The following HSPA12B variants were observed in gnomAD, a reference collection of about 807,000 sequenced individuals.
The protein encoded by HSPA12B is heat shock protein family A (Hsp70) member 12B.
Under a neutral mutation model 69.3 loss-of-function variants are expected in HSPA12B, and 54 were observed. That is an observed-to-expected ratio of 0.78 (90% CI 0.63 to 0.98). The LOEUF (loss-of-function observed/expected upper bound fraction) is 0.98, where lower values mean the gene tolerates loss of function less well. Ranked by LOEUF, HSPA12B falls within the 50% of genes least tolerant of loss-of-function variation. HSPA12B has a pLI of 0.00. For synonymous variants in HSPA12B, 441 were observed against 436.5 expected, an observed-to-expected ratio of 1.01 and a Z score of -0.13; for missense variants, 929 against 999.8, an observed-to-expected ratio of 0.93 and a Z score of 0.96.
Position 3,748,233 on chromosome 20 carries a change from G to C in HSPA12B, c.692G>C (p.Arg231Pro). ...CATCCCCAGGCTGGACTAGTGTCCC[G>C]AGAGAATGCAGAGCAGCTACTCATC... Reference protein sequence around the residue: ...EAAYLAGLVSRENAEQLLIAL... With the variant: ...EAAYLAGLVSPENAEQLLIAL... Residue 231 changes from arginine to proline, a missense_variant, in exon 8 of 13, where the codon CGA (arginine) becomes CCA (proline). Transcript: ENST00000254963. The C allele has an allele frequency of 6.3e-7, 1 of 1,580,910 alleles. No individual in the cohort carries two copies. The highest frequency in any genetic ancestry group is 8.6e-7 in the Non-Finnish European group (1 of 1,161,204).
rs1568471143 is a variant in HSPA12B at position 3,737,333 on chromosome 20, C to T, written c.-17-1325C>T. Among the ~76,000 whole-genome samples, 1 of 152,208 alleles carries T rather than the reference C, an allele frequency of 6.6e-6. No homozygotes were observed. Among genetic ancestry groups the T allele is most frequent in the Non-Finnish European group, 1.5e-5 (1 of 68,048 alleles). ...AATATTCTTCCTCACCTCCCTTCAG[C>T]TTTAGCGCCCTCCAACTACTGCCCT... On this transcript the variant is annotated intron_variant, in intron 1 of 12. Transcript: ENST00000254963. This position sits in a 1 kb window ranked among gnomAD's most constrained non-coding sequence, Gnocchi z 4.1.
intron 8 of HSPA12B, among the ~76,000 whole-genome samples, chr20:3,748,826 CCTG>C (rs201677526): frequency 0.013 from 2,027 of 152,222 alleles, 43 homozygotes; most frequent in African/African-American, 0.047. Context: ...GCCCCAAGCT[CCTG>C]CTGCCAGGAC....
rs546002408 is a variant in HSPA12B at position 3,751,779 on chromosome 20, C to T, written c.1674C>T (p.Pro558=). ...GCTTTGTGCCTGGGCGCCACCCGCCCGAAAAGCTGCTGGTTCGCGACGGCC... is the reference window on the plus strand; with the variant it reads ...GCTTTGTGCCTGGGCGCCACCCGCCTGAAAAGCTGCTGGTTCGCGACGGCC... ...LNRFVPGRHP[P]EKLLVRDGRR... The change falls in exon 13 of 13, where the codon CCC becomes CCT. Residue 558 remains proline, a synonymous_variant. Coordinates refer to ENST00000254963, the MANE Select transcript of HSPA12B (RefSeq NM_052970.5). The T allele has an allele frequency of 3.5e-5, 53 of 1,526,990 alleles. No homozygotes were observed. In the South Asian group the frequency reaches 3.5e-4, roughly 10 times the overall value. 94.6% of individuals were successfully genotyped at this position (1,526,990 alleles called of 1,614,324 possible).
At chr20:3,748,125 A>G in intron 7 of HSPA12B, 92 bp from the exon 8 acceptor site, 1 of 1,134,146 alleles carries the variant, frequency 8.8e-7, no homozygotes, top group Non-Finnish European at 1.2e-6. Flanking sequence ...AGGAGGTGGG[A>G]GCCCCACAGG....
chr20:3,732,754 C>G lies in HSPA12B; in HGVS notation c.-58C>G, dbSNP rs1239232969. On this transcript the variant is annotated 5_prime_UTR_variant, in exon 1 of 13. The change creates a new upstream start codon in the 5' untranslated region. Coordinates refer to ENST00000254963, the MANE Select transcript of HSPA12B (RefSeq NM_052970.5). Reference sequence around the variant, plus strand: ...GGCCAACGAGCTGCGGGCCCGGGATCGCGGCGGCTGGACGGGGCTGGAGCT... The same window carrying G: ...GGCCAACGAGCTGCGGGCCCGGGATGGCGGCGGCTGGACGGGGCTGGAGCT... 6.6e-6 allele frequency: 1 copy of G among 151,810 alleles called. No homozygotes were observed. Among genetic ancestry groups the G allele is most frequent in the South Asian group, 2.0e-4 (1 of 4,996 alleles). 9.4% of individuals were successfully genotyped at this position (151,810 alleles called of 1,614,324 possible). A position where few individuals can be genotyped will look rare whatever the true frequency, so the allele number is the denominator to read the frequency against.
Position 3,749,297 on chromosome 20 carries a change from C to G in HSPA12B, c.916C>G (p.Leu306Val), listed in dbSNP as rs1289968188. Reference protein sequence around the residue: ...TFLVESGVGELWAEMQAGDRY... With the variant: ...TFLVESGVGEVWAEMQAGDRY... The stretch of plus-strand genomic sequence containing the variant: ...CCTGGTGGAGTCAGGCGTAGGAGAG[C>G]TGTGGGCAGAGATGCAAGCAGGTAG... The change falls in exon 9 of 13, where the codon CTG becomes GTG. Residue 306 changes from leucine (L) to valine (V), a missense_variant. Coordinates refer to ENST00000254963, the MANE Select transcript of HSPA12B (RefSeq NM_052970.5). The surrounding 1 kb of genome is among the most constrained non-coding windows in gnomAD (Gnocchi z 5.5). The G allele has an allele frequency of 6.2e-7, 1 of 1,613,660 alleles. No individual in the cohort carries two copies. Among genetic ancestry groups the G allele is most frequent in the African/African-American group, 1.3e-5 (1 of 75,010 alleles).
Position 3,752,147 on chromosome 20 carries a change from T to C in HSPA12B, c.2042T>C (p.Ile681Thr). The stretch of plus-strand genomic sequence containing the variant: ...ACCAATCGCTCCGTGCGCGCGTCCA[T>C]CGACTTTCTTTCCAACTGAGGGCGC... ...VSTNRSVRAS[I>T]DFLSN is the part of the protein sequence containing the mutation. Residue 681 changes from isoleucine (I) to threonine (T), a missense_variant, in exon 13 of 13, where the codon ATC (isoleucine) becomes ACC (threonine). Transcript: ENST00000254963. 2.1e-6 allele frequency: 3 copies of C among 1,458,544 alleles called. No individual in the cohort carries two copies. The highest frequency in any genetic ancestry group is 2.7e-6 in the Non-Finnish European group (3 of 1,112,644). 90.4% of individuals were successfully genotyped at this position (1,458,544 alleles called of 1,614,324 possible).
rs754523135 is a variant in HSPA12B at position 3,749,887 on chromosome 20, GCGACCCGGGCTCCGGCCCCGCCACTGCC to G, written c.1042+35_1043-53del. On this transcript the variant is annotated intron_variant, in intron 10 of 12. Transcript: ENST00000254963. This position sits in a 1 kb window ranked among gnomAD's most constrained non-coding sequence, Gnocchi z 5.5. The stretch of plus-strand genomic sequence containing the variant: ...GCCAGGCGGCGCCCCGGTACCCAGC[GCGACCCGGGCTCCGGCCCCGCCACTGCC>G]CCCTGGCGGCCCGGCGAGCGCTGAC... 1.3e-6 allele frequency: 2 copies of G among 1,549,946 alleles called. No individual in the cohort carries two copies. Among genetic ancestry groups the G allele is most frequent in the South Asian group, 2.4e-5 (2 of 85,092 alleles).
rs775060551 is a variant in HSPA12B at position 3,749,258 on chromosome 20, C to T, written c.877C>T (p.His293Tyr). 8 of 1,613,558 alleles carry T rather than the reference C, an allele frequency of 5.0e-6. No homozygotes were observed. The highest frequency in any genetic ancestry group is 1.1e-5 in the South Asian group (1 of 91,022). ...TCGGGAGCAGCTGCGAAGGTCCCGC[C>T]ACAGCCGCACGTTCCTGGTGGAGTC... Reference protein sequence around the residue: ...QAREQLRRSRHSRTFLVESGV... With the variant: ...QAREQLRRSRYSRTFLVESGV... The change falls in exon 9 of 13, where the codon CAC becomes TAC. Residue 293 changes from histidine to tyrosine, a missense_variant. Around this residue, in one of 3 missense-constraint regions of HSPA12B, gnomAD observed 477 missense variants for 535.2 expected, o/e 0.89. Transcript: ENST00000254963. This position sits in a 1 kb window ranked among gnomAD's most constrained non-coding sequence, Gnocchi z 5.5.
At chr20:3,746,056 G>A (rs754894106) in intron 7 of HSPA12B, 25 bp downstream of exon 7, 8 of 1,570,134 alleles carry the variant, frequency 5.1e-6, no homozygotes, top group South Asian at 1.1e-5. Context: ...GCGGGCCCGA[G>A]AACACTGCTC....
chr20:3,750,938 C>G, intron 12 of HSPA12B, 31 bp downstream of exon 12: 1 of 1,575,446 alleles, frequency 6.3e-7, no homozygotes, highest in Non-Finnish European at 8.7e-7. Context: ...CCCCACCCGC[C>G]CCTACATGAA....
rs2088296082 is a variant in HSPA12B at position 3,746,027 on chromosome 20, A to G, written c.671A>G (p.Tyr224Cys). 2 of 1,613,024 alleles carry G rather than the reference A, an allele frequency of 1.2e-6. No individual in the cohort carries two copies. Among genetic ancestry groups the G allele is most frequent in the African/African-American group, 2.7e-5 (2 of 74,912 alleles). Residue 224 changes from tyrosine (Y) to cysteine (C), a missense_variant, in exon 7 of 13, where the codon TAC (tyrosine) becomes TGC (cysteine). By Grantham distance (194) the Tyr-to-Cys change is radical. Around this residue, in one of 3 missense-constraint regions of HSPA12B, gnomAD observed 477 missense variants for 535.2 expected, o/e 0.89. Coordinates refer to ENST00000254963, the MANE Select transcript of HSPA12B (RefSeq NM_052970.5). Reference protein sequence around the residue: ...PAKQFMREAAYLAGLVSRENA... With the variant: ...PAKQFMREAACLAGLVSRENA... ...AAGCAGTTCATGCGGGAGGCTGCCTACCTGGTGAGGACGTGCAGGCGGGCC... is the reference window on the plus strand; with the variant it reads ...AAGCAGTTCATGCGGGAGGCTGCCTGCCTGGTGAGGACGTGCAGGCGGGCC...
In HSPA12B at chr20:3,745,882, C is replaced by A. The variant is rs1462475323; in HGVS notation, c.559-33C>A. 6.3e-7 allele frequency: 1 copy of A among 1,587,926 alleles called. No individual in the cohort carries two copies. Among genetic ancestry groups the A allele is most frequent in the South Asian group, 1.1e-5 (1 of 90,590 alleles). ...GCTGAAGACCACCCTCCCTCCAAGC[C>A]AGCTTTCCTCTCACTGCCCCCTCCT... On this transcript the variant is annotated intron_variant, in intron 6 of 12. Transcript: ENST00000254963. The surrounding 1 kb of genome is among the most constrained non-coding windows in gnomAD (Gnocchi z 5.6).
Position 3,752,461 on chromosome 20 carries a change from G to A in HSPA12B, c.*295G>A. 1 of 292,932 alleles carries A rather than the reference G, an allele frequency of 3.4e-6. No homozygotes were observed. Among genetic ancestry groups the A allele is most frequent in the Non-Finnish European group, 6.3e-6 (1 of 159,002 alleles). 18.1% of individuals were successfully genotyped at this position (292,932 alleles called of 1,614,324 possible). ...GCGCGCAGCCCGGCAAGGGGCATGT[G>A]ACCCCGAAGGAAGAACGCAACAGAA... On this transcript the variant is annotated 3_prime_UTR_variant, in exon 13 of 13. Transcript: ENST00000254963.
Position 3,752,163 on chromosome 20 carries a change from C to A in HSPA12B, c.2058C>A (p.Asn686Lys). Residue 686 changes from asparagine to lysine, a missense_variant, in exon 13 of 13, where the codon AAC becomes AAA. By Grantham distance (94) the Asn-to-Lys change is moderately conservative (BLOSUM62 0). This residue lies in a region of HSPA12B where 448 missense variants were observed against 448.1 expected (regional missense o/e 1.00). Coordinates refer to ENST00000254963, the MANE Select transcript of HSPA12B (RefSeq NM_052970.5). ...GCGCGTCCATCGACTTTCTTTCCAA[C>A]TGAGGGCGCGCCGGCGCGGTGCCAG... is the stretch of plus-strand genomic sequence containing the variant. ...SVRASIDFLS[N>K] The A allele has an allele frequency of 2.1e-6, 3 of 1,454,008 alleles. No individual in the cohort carries two copies. In the South Asian group the frequency reaches 4.3e-5, roughly 21 times the overall value. 90.1% of individuals were successfully genotyped at this position (1,454,008 alleles called of 1,614,324 possible).
intron 2 of HSPA12B, among the ~76,000 whole-genome samples, chr20:3,739,436 C>T (rs1201384280): frequency 6.6e-6 from 1 of 152,300 alleles, no homozygotes; most frequent in East Asian, 1.9e-4. Context: ...TTGGGTTCTC[C>T]GCAGGGGTGG....
At chr20:3,739,180 C>T (rs2146559337) in intron 2 of HSPA12B, among the ~76,000 whole-genome samples, 1 of 151,162 alleles carries the variant, frequency 6.6e-6, no homozygotes, top group South Asian at 2.1e-4. Context: ...TGCAGGTGGG[C>T]ATGCATACAG....
chr20:3,735,857 G>A (rs1052064222), intron 1 of HSPA12B, among the ~76,000 whole-genome samples: 1 of 152,102 alleles, frequency 6.6e-6, no homozygotes, highest in Non-Finnish European at 1.5e-5. Flanking sequence ...TCAACAAAGT[G>A]GTTCCCCAGT....
rs1242521374 is a variant in HSPA12B, at chr20:3,750,815, T to G, written c.1313T>G (p.Val438Gly). ...TALRRSSVNFVKWSSQGMLRM... is the reference protein window; with the variant it reads ...TALRRSSVNFGKWSSQGMLRM... ...TTCACCACCAACAGCGTGAACTTCG[T>G]GAAGTGGTCCTCACAGGGGATGCTC... The change falls in exon 12 of 13, where the codon GTG (valine) becomes GGG (glycine). Residue 438 changes from valine (V) to glycine (G), a missense_variant. By Grantham distance (109) the Val-to-Gly change is moderately radical. Around this residue, in one of 3 missense-constraint regions of HSPA12B, gnomAD observed 448 missense variants for 448.1 expected, o/e 1.00. Transcript: ENST00000254963. 1 of 1,613,806 alleles carries G rather than the reference T, an allele frequency of 6.2e-7. No homozygotes were observed. The highest frequency in any genetic ancestry group is 8.5e-7 in the Non-Finnish European group (1 of 1,179,994).
Sources: allele counts gnomAD v4.1 joint callset (sites outside exome capture counted in the v4.1 genomes callset), GRCh38; gene constraint gnomAD v4.1.1; regional missense constraint gnomAD v4.1.1; non-coding constraint Gnocchi (gnomAD v3.1); transcripts MANE v1.5; gene names NCBI Gene and HGNC (gene_info 2026-07-23, HGNC 2026-07-21).